The following KRT8 variants were observed in gnomAD, a reference collection of about 807,000 sequenced individuals.
KRT8 encodes the protein keratin 8.
In KRT8, 24 loss-of-function variants were observed where a neutral mutation model predicts 43.0. The observed-to-expected ratio is 0.56, with a 90% CI of 0.40 to 0.78. The LOEUF (loss-of-function observed/expected upper bound fraction) is 0.78. Ranked by LOEUF, KRT8 falls within the 30% of genes least tolerant of loss-of-function variation. The pLI is 0.00. For missense variants in KRT8, 492 were observed against 638.4 expected (o/e 0.77, Z 2.47); for synonymous variants, 214 against 261.2 (o/e 0.82, Z 1.74).
At position 52,928,117 on chromosome 12, in the gene KRT8, T is replaced by C. The variant is rs527865417; in HGVS notation, c.-47+21339A>G. On this transcript the variant is annotated intron_variant, in intron 2 of 6. Transcript: ENST00000546826. ...CCTTTGTGCTGGGGAAAAGAAGGCATGGAGAACTGAGTCTGCTGCTGGGAA... is the reference window on the plus strand; with the variant it reads ...CCTTTGTGCTGGGGAAAAGAAGGCACGGAGAACTGAGTCTGCTGCTGGGAA... Among the ~76,000 whole-genome samples, 5 of 152,258 alleles carry C rather than the reference T, an allele frequency of 3.3e-5. No individual in the cohort carries two copies. In the South Asian group the frequency reaches 1.0e-3, roughly 32 times the overall value.
chr12:52,921,677 C>G lies in KRT8; in HGVS notation c.-46-16650G>C, dbSNP rs1423520582. ...GACTATTCCTCCCAGGCTTCTCCCT[C>G]CAGCCCTCCAGCCTGGAGCCTCTGA... On this transcript the variant is annotated intron_variant, in intron 2 of 6. Transcript: ENST00000546826. 3.3e-5 allele frequency among the ~76,000 whole-genome samples: 5 copies of G among 152,266 alleles called. No homozygotes were observed. The East Asian group carries it at 5.8e-4, about 18-fold the overall frequency.
chr12:52,927,427 A>G (rs1942012748), intron 2 of KRT8, among the ~76,000 whole-genome samples: 1 of 152,214 alleles, frequency 6.6e-6, no homozygotes, highest in African/African-American at 2.4e-5. Context: ...GCCTGTCCCT[A>G]GGGAGACACT....
intron 2 of KRT8, among the ~76,000 whole-genome samples, chr12:52,920,978 C>A (rs1280284706): frequency 6.6e-6 from 1 of 152,202 alleles, no homozygotes; most frequent in Non-Finnish European, 1.5e-5. Flanking sequence ...ACTCTGTAAC[C>A]AACCTGCCCC....
In KRT8 at chr12:52,945,250, C is replaced by A. The variant is rs12423065; in HGVS notation, c.-47+4206G>T. 3.4e-3 allele frequency among the ~76,000 whole-genome samples: 514 copies of A among 152,002 alleles called. 2 individuals carry two copies. Among genetic ancestry groups the A allele is most frequent in the African/African-American group, 0.012 (492 of 41,446 alleles). On this transcript the variant is annotated intron_variant, in intron 2 of 6. Transcript: ENST00000546826. ...GGGCCCCCTGCATGGGTATACCCTC[C>A]ACTGAGAGTAGCTGAAAGGAGCCCA...
chr12:52,932,092 CTT>C (rs139882612), intron 2 of KRT8, among the ~76,000 whole-genome samples: 17 of 128,666 alleles, frequency 1.3e-4, no homozygotes, highest in African/African-American at 2.0e-4. Flanking sequence ...GTAAATCATT[CTT>C]TTTTTTTTTT....
intron 2 of KRT8, among the ~76,000 whole-genome samples, chr12:52,918,210 A>AGAAGAAGAG (rs1941809375): frequency 7.3e-6 from 1 of 137,786 alleles, no homozygotes; most frequent in Non-Finnish European, 1.6e-5. Context: ...AAGAACAAGA[A>AGAAGAAGAG]GAAGAAGAAG....
At chr12:52,946,772 T>A (rs1942350596) in intron 2 of KRT8, 1 of 152,248 alleles carries the variant, frequency 6.6e-6, no homozygotes, top group Non-Finnish European at 1.5e-5. Context: ...TTCATTTGTA[T>A]GTTATTTTGC....
chr12:52,935,707 G>A (rs1197082259), intron 2 of KRT8, among the ~76,000 whole-genome samples: 2 of 150,554 alleles, frequency 1.3e-5, no homozygotes, highest in Admixed American at 1.3e-4. Flanking sequence ...ACAGTGGTGT[G>A]ATCATAGCTC....
chr12:52,942,845 C>T (rs1942288825), intron 2 of KRT8, among the ~76,000 whole-genome samples: 2 of 152,078 alleles, frequency 1.3e-5, no homozygotes, highest in Non-Finnish European at 2.9e-5. Context: ...GGTTAGAACA[C>T]AGAGTTCACC....
chr12:52,949,317 G>C, intron 2 of KRT8: 1 of 1,610,422 alleles, frequency 6.2e-7, no homozygotes, highest in Non-Finnish European at 8.5e-7. Flanking sequence ...GGATCTCCGT[G>C]TCCCGCTCCA....
chr12:52,898,743 C>T lies in KRT8; in HGVS notation c.1138G>A (p.Val380Ile), dbSNP rs56997521. Reference sequence around the variant, plus strand: ...ATCTCGATGTCCAGGGCCAGCTTGACGTTCATCAGCTCCTGGTACTCACGC... The same window carrying T: ...ATCTCGATGTCCAGGGCCAGCTTGATGTTCATCAGCTCCTGGTACTCACGC... Residue 380 changes from valine (V) to isoleucine (I), a missense_variant, in exon 6 of 8, where the codon GTC (valine) becomes ATC (isoleucine). Val to Ile is a conservative substitution (Grantham distance 29, BLOSUM62 3). Coordinates refer to ENST00000692008, the Ensembl canonical transcript of KRT8. 7.5e-4 allele frequency: 1,212 copies of T among 1,614,206 alleles called. 10 individuals carry two copies. Among genetic ancestry groups the T allele is most frequent in the South Asian group, 7.3e-3 (665 of 91,086 alleles).
chr12:52,923,715 G>C (rs1011581501), intron 2 of KRT8, among the ~76,000 whole-genome samples: 2 of 152,022 alleles, frequency 1.3e-5, no homozygotes, highest in African/African-American at 4.8e-5. Flanking sequence ...ACCACGCCCG[G>C]CTCTAAATTA....
intron 2 of KRT8, among the ~76,000 whole-genome samples, chr12:52,938,170 A>ATATATATATATATATATATTTTT (rs1555189967): frequency 3.3e-5 from 1 of 30,318 alleles, no homozygotes; most frequent in Non-Finnish European, 5.9e-5. Flanking sequence ...ATATATATAT[A>ATATATATATATATATATATTTTT]TTTTTTTTTT....
exon 5 of KRT8, chr12:52,899,864 C>A: frequency 6.2e-7 from 1 of 1,612,398 alleles, no homozygotes; most frequent in Non-Finnish European, 8.5e-7. Flanking sequence ...CGCAGGTCAT[C>A]CCCGTGCTTC....
exon 6 of KRT8, chr12:52,898,795 C>T (rs770007482): frequency 4.3e-6 from 7 of 1,614,230 alleles, no homozygotes; most frequent in South Asian, 1.1e-5. Flanking sequence ...CCTGCTTGGC[C>T]CGCTGCAGGG....
upstream of KRT8, among the ~76,000 whole-genome samples, chr12:52,907,567 G>A (rs1439585291): frequency 6.6e-6 from 1 of 152,238 alleles, no homozygotes; most frequent in East Asian, 1.9e-4. Flanking sequence ...CCTTGTTTAA[G>A]GTGAGGACAG....
At chr12:52,942,053 C>G (rs2120734896) in intron 2 of KRT8, among the ~76,000 whole-genome samples, 1 of 152,234 alleles carries the variant, frequency 6.6e-6, no homozygotes, top group African/African-American at 2.4e-5. Flanking sequence ...GTCCAATGAT[C>G]TGTTCCCTCT....
chr12:52,938,953 T>C (rs1942224038), intron 2 of KRT8, among the ~76,000 whole-genome samples: 1 of 151,996 alleles, frequency 6.6e-6, no homozygotes, highest in African/African-American at 2.4e-5. Context: ...GGTTTAGTGG[T>C]ATGGGCCTGT....
At chr12:52,906,715 A>C (rs963991673), upstream of KRT8, 2 of 455,710 alleles carry the variant, frequency 4.4e-6, no homozygotes, top group African/African-American at 4.0e-5. Flanking sequence ...ATGAAACTGA[A>C]CTCAGAGGAC....
Sources: allele counts gnomAD v4.1 joint callset (sites outside exome capture counted in the v4.1 genomes callset), GRCh38; gene constraint gnomAD v4.1.1; transcripts MANE v1.5; gene names NCBI Gene and HGNC (gene_info 2026-07-23, HGNC 2026-07-21).